PPP4R1: variants seen among roughly 807,000 people sequenced by gnomAD.
The protein encoded by PPP4R1 is protein phosphatase 4 regulatory subunit 1, also known as serine/threonine-protein phosphatase 4 regulatory subunit 1.
A neutral mutation model predicts 111.2 loss-of-function variants in PPP4R1; 42 were observed. That is an observed-to-expected ratio of 0.38 (90% confidence interval 0.29 to 0.49). PPP4R1 has a LOEUF of 0.49. PPP4R1 is among the 20% of genes least tolerant of loss of function. PPP4R1 has a pLI of 0.97. For synonymous variants in PPP4R1, 409 were observed against 405.5 expected, an observed-to-expected ratio of 1.01 and a Z score of -0.10; for missense variants, 1,012 against 1,161.6, an observed-to-expected ratio of 0.87 and a Z score of 1.87.
upstream of PPP4R1, chr18:9,614,681 G>GGCCGC (rs2067661683): frequency 7.0e-6 from 1 of 141,978 alleles, no homozygotes; most frequent in Non-Finnish European, 1.5e-5. The surrounding 1 kb of genome is among the most constrained non-coding windows in gnomAD (Gnocchi z 4.1). Flanking sequence ...CCGGGCCCCC[G>GGCCGC]GCCGCGCCCC....
At chr18:9,582,970 T>C (rs2067054420) in intron 9 of PPP4R1, 147 bp downstream of exon 9, 14 of 725,730 alleles carry the variant, frequency 1.9e-5, no homozygotes, top group Non-Finnish European at 2.8e-5. Context: ...AAACTGTTAA[T>C]ATAGTAGTCT....
Position 9,547,900 on chromosome 18 carries a change from G to C in PPP4R1, c.2742C>G (p.Ile914Met), listed in dbSNP as rs201176037. Reference protein sequence around the residue: ...SCHQEAVEQTIMALQMDRDSD... With the variant: ...SCHQEAVEQTMMALQMDRDSD... Reference sequence around the variant, plus strand: ...TGTCACGGTCCATCTGAAGAGCCATGATGGTCTGCTCCACAGCCTCCTGGT... The same window carrying C: ...TGTCACGGTCCATCTGAAGAGCCATCATGGTCTGCTCCACAGCCTCCTGGT... Residue 914 changes from isoleucine (I) to methionine (M), a missense_variant, in exon 20 of 20, where the codon ATC (isoleucine) becomes ATG (methionine). By Grantham distance (10) the Ile-to-Met change is conservative. Coordinates refer to ENST00000400556, the MANE Select transcript of PPP4R1 (RefSeq NM_001042388.3). The C allele has an allele frequency of 1.6e-5, 26 of 1,613,872 alleles. No homozygotes were observed. Among genetic ancestry groups the C allele is most frequent in the Non-Finnish European group, 1.9e-5 (22 of 1,180,040 alleles).
At chr18:9,568,396 C>T (rs1348011283) in intron 11 of PPP4R1, among the ~76,000 whole-genome samples, 1 of 152,186 alleles carries the variant, frequency 6.6e-6, no homozygotes, top group Non-Finnish European at 1.5e-5. Flanking sequence ...TGGTTTGGAA[C>T]TGAACCAGCA....
chr18:9,565,092 G>A (rs1186684000), intron 11 of PPP4R1, among the ~76,000 whole-genome samples: 1 of 152,182 alleles, frequency 6.6e-6, no homozygotes, highest in Non-Finnish European at 1.5e-5. Context: ...CCAACAGCAT[G>A]TGTTTACGCT....
rs541695492 is a variant in PPP4R1, at chr18:9,556,105, G to GA, written c.2190+1115dup. On this transcript the variant is annotated intron_variant, in intron 15 of 19. Transcript: ENST00000400556. ...GAACCTGGGAGGCGGAGGTTGCAGT[G>GA]AGCCAAGATCCTGCCACTGCACTCC... is the stretch of plus-strand genomic sequence containing the variant. 2.7e-3 allele frequency among the ~76,000 whole-genome samples: 398 copies of GA among 149,724 alleles called. 3 individuals carry two copies. The highest frequency in any genetic ancestry group is 0.025 in the South Asian group (121 of 4,748).
intron 10 of PPP4R1, among the ~76,000 whole-genome samples, chr18:9,576,849 T>G (rs996948720): frequency 1.3e-5 from 2 of 152,220 alleles, no homozygotes; most frequent in African/African-American, 2.4e-5. Flanking sequence ...GTTACATGCA[T>G]CTACTCATTC....
chr18:9,583,271 G>T lies in PPP4R1; in HGVS notation c.764C>A (p.Pro255His), dbSNP rs376669408. 1.9e-6 allele frequency: 3 copies of T among 1,557,536 alleles called. No individual in the cohort carries two copies. The highest frequency in any genetic ancestry group is 2.6e-6 in the Non-Finnish European group (3 of 1,145,540). The part of the protein sequence containing the change: ...GQQATEEMLL[P>H]RFFQLCSDNV... ...ATCAGAACAAAGCTGGAAAAATCTG[G>T]GCAGCTATGTGAAAAGGAAAGAGTC... Residue 255 changes from proline (P) to histidine (H), a missense_variant, in exon 9 of 20, where the codon CCC (proline) becomes CAC (histidine). Pro to His is a moderately conservative substitution (Grantham distance 77). Transcript: ENST00000400556.
chr18:9,600,430 A>T (rs183855014), intron 2 of PPP4R1, among the ~76,000 whole-genome samples: 1 of 152,250 alleles, frequency 6.6e-6, no homozygotes, highest in Admixed American at 6.5e-5. Context: ...ATTAAATATA[A>T]ATGGACTAAA....
chr18:9,549,114 C>T (rs926248874), intron 19 of PPP4R1, 83 bp downstream of exon 19: 54 of 1,495,082 alleles, frequency 3.6e-5, no homozygotes, highest in East Asian at 9.2e-5. Context: ...GACAATACTT[C>T]TGCTTTGATA....
intron 12 of PPP4R1, 45 bp from the exon 13 acceptor site, chr18:9,562,120 A>T: frequency 7.1e-7 from 1 of 1,410,318 alleles, no homozygotes; most frequent in Non-Finnish European, 1.0e-6. Context: ...CTGTCTGTAC[A>T]TCTTCATTTA....
At chr18:9,592,604 G>A (rs2067230137) in intron 4 of PPP4R1, among the ~76,000 whole-genome samples, 1 of 150,622 alleles carries the variant, frequency 6.6e-6, no homozygotes, top group Non-Finnish European at 1.5e-5. Context: ...ATGGAATTAT[G>A]TCAATAGAGA....
At chr18:9,600,717 A>C (rs1004126242) in intron 2 of PPP4R1, among the ~76,000 whole-genome samples, 21 of 152,238 alleles carry the variant, frequency 1.4e-4, no homozygotes, top group African/African-American at 5.1e-4. Flanking sequence ...CATCTCTATA[A>C]AAGATACAAA....
intron 9 of PPP4R1, among the ~76,000 whole-genome samples, chr18:9,579,513 T>TAC (rs796587028): frequency 1.4e-4 from 17 of 125,026 alleles, no homozygotes; most frequent in African/African-American, 4.8e-4. Flanking sequence ...GCATAGGATT[T>TAC]ACACGTGTGT....
chr18:9,594,622 G>C lies in PPP4R1; in HGVS notation c.188+396C>G, dbSNP rs867049820. 40 of 163,004 alleles carry C rather than the reference G, an allele frequency of 2.5e-4. 2 individuals are homozygous for C. The South Asian group carries it at 5.0e-3, about 20-fold the overall frequency. The allele number at this position is 163,004 out of a possible 1,614,324, so 10.1% of individuals were successfully genotyped here. On this transcript the variant is annotated intron_variant, in intron 3 of 19. Coordinates refer to ENST00000400556, the MANE Select transcript of PPP4R1 (RefSeq NM_001042388.3). ...GGGATCATGGCTGGACAAACACAAT[G>C]CAGTAGGAAGAGTGCTGGCTCTTGG...
chr18:9,580,655 T>TTCCC (rs569617226), intron 9 of PPP4R1, among the ~76,000 whole-genome samples: 206 of 152,222 alleles, frequency 1.4e-3, no homozygotes, highest in African/African-American at 4.8e-3. Context: ...CAGCTGACCA[T>TTCCC]TCCCTCCTTG....
chr18:9,607,119 G>A (rs1466998987), intron 2 of PPP4R1, among the ~76,000 whole-genome samples: 2 of 152,182 alleles, frequency 1.3e-5, no homozygotes, highest in Admixed American at 6.5e-5. Flanking sequence ...AGCACTTTGG[G>A]AGGCCAAGAC....
chr18:9,616,731 G>A (rs1483376568), upstream of PPP4R1, among the ~76,000 whole-genome samples: 2 of 152,188 alleles, frequency 1.3e-5, no homozygotes, highest in African/African-American at 4.8e-5. Context: ...TGATAAAATA[G>A]GGACTATGTA....
intron 14 of PPP4R1, 104 bp from the exon 15 acceptor site, chr18:9,557,486 CA>C: frequency 9.6e-7 from 1 of 1,037,966 alleles, no homozygotes; most frequent in Non-Finnish European, 1.3e-6. Context: ...TTACTAACCT[CA>C]AAAAATTAAA....
chr18:9,583,370 TTG>T, intron 8 of PPP4R1, 95 bp from the exon 9 acceptor site: 2 of 1,234,950 alleles, frequency 1.6e-6, no homozygotes, highest in Non-Finnish European at 2.2e-6. Context: ...CTTCTTTTGT[TTG>T]TTTGTTTGTT....
Sources: gnomAD v4.1 joint callset for allele counts (sites outside exome capture counted in the v4.1 genomes callset) on GRCh38, gnomAD v4.1.1 for gene constraint, Gnocchi (gnomAD v3.1) non-coding constraint, MANE v1.5 for transcripts, NCBI Gene and HGNC (gene_info 2026-07-23, HGNC 2026-07-21) for gene names.